The following DYNC1LI2 variants were observed in gnomAD, a reference collection of about 807,000 sequenced individuals.
DYNC1LI2 encodes the protein cytoplasmic dynein 1 light intermediate chain 2.
A neutral mutation model predicts 57.8 loss-of-function variants in DYNC1LI2; 19 were observed. That is an observed-to-expected ratio of 0.33 (90% confidence interval 0.23 to 0.48). DYNC1LI2 has a LOEUF of 0.48. Among genes scored for constraint, DYNC1LI2 ranks in the 20% least tolerant of loss-of-function variants. The pLI is 0.99. For missense variants in DYNC1LI2, 470 were observed against 604.2 expected (o/e 0.78, Z 2.33); for synonymous variants, 256 against 233.4 (o/e 1.10, Z -0.88).
intron 2 of DYNC1LI2, among the ~76,000 whole-genome samples, chr16:66,750,560 G>A (rs1459656534): frequency 6.6e-6 from 1 of 152,200 alleles, no homozygotes; most frequent in African/African-American, 2.4e-5. Flanking sequence ...GCTCTAAGCA[G>A]TGTAATGCTT....
At chr16:66,740,275 T>C (rs997320254) in intron 4 of DYNC1LI2, among the ~76,000 whole-genome samples, 1 of 152,108 alleles carries the variant, frequency 6.6e-6, no homozygotes, top group African/African-American at 2.4e-5. Flanking sequence ...ATCATAAGAA[T>C]GGAGACTGGT....
intron 11 of DYNC1LI2, among the ~76,000 whole-genome samples, chr16:66,727,461 C>T (rs1308819297): frequency 6.6e-6 from 1 of 152,164 alleles, no homozygotes; most frequent in African/African-American, 2.4e-5. Flanking sequence ...CACACAGAGC[C>T]AGGTGCATGG....
At chr16:66,746,495 G>A (rs1250738542) in intron 3 of DYNC1LI2, among the ~76,000 whole-genome samples, 2 of 152,168 alleles carry the variant, frequency 1.3e-5, no homozygotes, top group African/African-American at 4.8e-5. Flanking sequence ...GAACTTGCAA[G>A]CGGGTGGCCT....
intron 8 of DYNC1LI2, 38 bp downstream of exon 8, chr16:66,730,074 C>T (rs2017608353): frequency 6.3e-7 from 1 of 1,582,270 alleles, no homozygotes; most frequent in Admixed American, 1.8e-5. Context: ...AGCCACCGCG[C>T]CCGGCCCTAA....
rs1441710522 is a variant in DYNC1LI2, at chr16:66,742,553, G to T, written c.414C>A (p.Asp138Glu). ...CCATCACAGTCCAAGGTCTAGACAT[G>T]TCTGCAACAAAAATGACGAGGGTCT... is the stretch of plus-strand genomic sequence containing the variant. ...LPETLVIFVA[D>E]MSRPWTVMES... The change falls in exon 4 of 13, where the codon GAC (aspartate) becomes GAA (glutamate). Residue 138 changes from aspartate (D) to glutamate (E), a missense_variant. Physicochemically the swap from Asp to Glu is conservative, Grantham distance 45. Transcript: ENST00000258198. The T allele has an allele frequency of 2.5e-6, 4 of 1,614,050 alleles. No individual in the cohort carries two copies. Among genetic ancestry groups the T allele is most frequent in the African/African-American group, 1.3e-5 (1 of 74,916 alleles).
intron 3 of DYNC1LI2, among the ~76,000 whole-genome samples, chr16:66,748,268 ACC>A (rs2017974020): frequency 8.1e-6 from 1 of 124,044 alleles, no homozygotes; most frequent in Non-Finnish European, 1.7e-5. Flanking sequence ...ACAGAGTAAA[ACC>A]CTGTCTCAAA....
At chr16:66,735,996 G>T in intron 5 of DYNC1LI2, 79 bp downstream of exon 5, 1 of 1,526,234 alleles carries the variant, frequency 6.6e-7, no homozygotes, top group Non-Finnish European at 8.8e-7. Context: ...GGAAAAAAAC[G>T]TCAACAGTTT....
intron 7 of DYNC1LI2, 159 bp from the exon 8 acceptor site, chr16:66,730,382 C>T (rs2017614758): frequency 6.6e-6 from 4 of 604,940 alleles, no homozygotes; most frequent in Non-Finnish European, 1.1e-5. Context: ...CCAAAATACA[C>T]TGTGGGTATA....
intron 4 of DYNC1LI2, among the ~76,000 whole-genome samples, chr16:66,742,214 A>G (rs1279235478): frequency 6.6e-6 from 1 of 152,236 alleles, no homozygotes; most frequent in Middle Eastern, 3.2e-3. Flanking sequence ...ACCAATGAAG[A>G]TAATAAATAT....
intron 9 of DYNC1LI2, 105 bp downstream of exon 9, chr16:66,728,935 C>T: frequency 8.4e-7 from 1 of 1,189,106 alleles, no homozygotes; most frequent in African/African-American, 1.5e-5. Context: ...TCTACCACTG[C>T]AAGCTCTTTG....
At chr16:66,732,552 T>C in intron 6 of DYNC1LI2, 78 bp from the exon 7 acceptor site, 2 of 1,475,902 alleles carry the variant, frequency 1.4e-6, no homozygotes, top group African/African-American at 1.4e-5. Context: ...AAAGTACTAC[T>C]CATAGGTTGA....
rs1354251835 is a variant in DYNC1LI2, at chr16:66,722,615, T to C, written c.*1107A>G. ...AAACATTCACACTTATCTGTCCATCTCATAGCACTGATCAGACCAGGAAGC... is the reference window on the plus strand; with the variant it reads ...AAACATTCACACTTATCTGTCCATCCCATAGCACTGATCAGACCAGGAAGC... On this transcript the variant is annotated 3_prime_UTR_variant, in exon 13 of 13. Transcript: ENST00000258198. The C allele has an allele frequency of 6.6e-6, 1 of 152,646 alleles. No homozygotes were observed. The highest frequency in any genetic ancestry group is 1.5e-5 in the Non-Finnish European group (1 of 68,042). 9.5% of individuals were successfully genotyped at this position (152,646 alleles called of 1,614,324 possible).
chr16:66,742,628 C>T lies in DYNC1LI2; in HGVS notation c.339G>A (p.Leu113=). 1 of 1,614,212 alleles carries T rather than the reference C, an allele frequency of 6.2e-7. No homozygotes were observed. The highest frequency in any genetic ancestry group is 8.5e-7 in the Non-Finnish European group (1 of 1,180,046). Residue 113 remains leucine, a synonymous_variant, in exon 4 of 13, where the codon TTG becomes TTA. Transcript: ENST00000258198. The part of the protein sequence containing the change: ...RCNVWILDGD[L]YHKGLLKFAV... ...CAAATTTCAGCAGGCCTTTGTGGTACAAGTCTCCATCCAGAATCCACACGT... is the reference window on the plus strand; with the variant it reads ...CAAATTTCAGCAGGCCTTTGTGGTATAAGTCTCCATCCAGAATCCACACGT...
Position 66,723,047 on chromosome 16 carries a change from G to C in DYNC1LI2, c.*675C>G, listed in dbSNP as rs1484996872. On this transcript the variant is annotated 3_prime_UTR_variant, in exon 13 of 13. Coordinates refer to ENST00000258198, the MANE Select transcript of DYNC1LI2 (RefSeq NM_006141.3). ...GCAGCTGCCATCGTTCCCACCCCTG[G>C]GTCAGCTCCGCCTGACTCAGGCACC... 3.1e-6 allele frequency: 1 copy of C among 326,240 alleles called. No homozygotes were observed. The highest frequency in any genetic ancestry group is 6.0e-6 in the Non-Finnish European group (1 of 165,966). The allele number at this position is 326,240 out of a possible 1,614,324, so 20.2% of individuals were successfully genotyped here. A position where few individuals can be genotyped will look rare whatever the true frequency, so the allele number is the denominator to read the frequency against.
chr16:66,750,475 C>G (rs1286731164), intron 2 of DYNC1LI2, among the ~76,000 whole-genome samples: 1 of 152,234 alleles, frequency 6.6e-6, no homozygotes, highest in Admixed American at 6.5e-5. Context: ...ACCCCACACC[C>G]TCTTGTCATC....
intron 4 of DYNC1LI2, 37 bp from the exon 5 acceptor site, chr16:66,736,281 A>G: frequency 6.2e-7 from 1 of 1,603,088 alleles, no homozygotes; most frequent in African/African-American, 1.3e-5. Context: ...ACATGCACAT[A>G]AATAAAAATA....
intron 6 of DYNC1LI2, chr16:66,733,060 C>T (rs1472333242): frequency 1.3e-5 from 2 of 152,258 alleles, no homozygotes; most frequent in African/African-American, 2.4e-5. Flanking sequence ...CAAAAGACTA[C>T]AGACACCACC....
At chr16:66,750,277 A>T (rs2018019650) in intron 2 of DYNC1LI2, among the ~76,000 whole-genome samples, 1 of 152,222 alleles carries the variant, frequency 6.6e-6, no homozygotes, top group African/African-American at 2.4e-5. Context: ...GAAAGGTCAC[A>T]CATTCTAACA....
At position 66,751,426 on chromosome 16, in the gene DYNC1LI2, G is replaced by A; in HGVS notation, c.107+59C>T. ...CTCGCGTCGGCCCCTCAGTGTGTCC[G>A]ACGGTCCGGCCCAGAGGCCGCGCCC... On this transcript the variant is annotated intron_variant, in intron 1 of 12. Transcript: ENST00000258198. The surrounding 1 kb of genome is among the most constrained non-coding windows in gnomAD (Gnocchi z 5.2). 4 of 1,587,904 alleles carry A rather than the reference G, an allele frequency of 2.5e-6. No homozygotes were observed. The highest frequency in any genetic ancestry group is 1.7e-4 in the Middle Eastern group (1 of 5,912).
Sources: allele counts gnomAD v4.1 joint callset (sites outside exome capture counted in the v4.1 genomes callset), GRCh38; gene constraint gnomAD v4.1.1; non-coding constraint Gnocchi (gnomAD v3.1); transcripts MANE v1.5; gene names NCBI Gene and HGNC (gene_info 2026-07-23, HGNC 2026-07-21).